Variants in BCAS3 observed in about 807,000 individuals in gnomAD.
BCAS3 encodes the protein BCAS3 microtubule associated cell migration factor, also known as BCAS4/BCAS3 fusion.
In BCAS3, 53 loss-of-function variants were observed where a neutral mutation model predicts 116.1. That is an observed-to-expected ratio of 0.46 (90% CI 0.37 to 0.57). The LOEUF is 0.57. Ranked by LOEUF, BCAS3 falls within the 20% of genes least tolerant of loss-of-function variation. The pLI is 0.00. For synonymous variants in BCAS3, 391 were observed against 408.2 expected (o/e 0.96, Z 0.51); for missense variants, 917 against 1,165.4 (o/e 0.79, Z 3.10).
chr17:60,730,034 C>T (rs1196466007), intron 5 of BCAS3, among the ~76,000 whole-genome samples: 2 of 152,130 alleles, frequency 1.3e-5, no homozygotes, highest in African/African-American at 4.8e-5. Flanking sequence ...ATGGAAGATA[C>T]CATTAAGGCG....
chr17:60,898,818 C>T (rs146978005), intron 10 of BCAS3, among the ~76,000 whole-genome samples: 1 of 151,974 alleles, frequency 6.6e-6, no homozygotes, highest in East Asian at 1.9e-4. Flanking sequence ...TTCCTAGTGG[C>T]GTGTGTTGAT....
chr17:60,780,670 AAGAT>A (rs2045747022), intron 6 of BCAS3, among the ~76,000 whole-genome samples: 2 of 152,160 alleles, frequency 1.3e-5, no homozygotes, highest in South Asian at 2.1e-4. Context: ...ATTGGTGTAA[AAGAT>A]AGACCTCTTG....
chr17:61,174,187 T>G (rs557976251), intron 22 of BCAS3, among the ~76,000 whole-genome samples: 1 of 152,346 alleles, frequency 6.6e-6, no homozygotes, highest in East Asian at 1.9e-4. Flanking sequence ...TCAGCAATTT[T>G]GAAATGTACA....
intron 7 of BCAS3, among the ~76,000 whole-genome samples, chr17:60,818,261 T>A (rs2144669833): frequency 6.6e-6 from 1 of 152,296 alleles, no homozygotes; most frequent in South Asian, 2.1e-4. Context: ...AATATTTTCC[T>A]CTCATTATTA....
In BCAS3 at chr17:61,333,412, A is replaced by G. The variant is rs1026039540; in HGVS notation, c.2426-34915A>G. 2.0e-5 allele frequency among the ~76,000 whole-genome samples: 3 copies of G among 152,088 alleles called. No homozygotes were observed. The highest frequency in any genetic ancestry group is 2.0e-4 in the Admixed American group (3 of 15,268). ...AAGCCAGGCCTAGGACAAAGTGGAGACGTCCTGTGAGGCAGGCAGGCCTCT... is the reference window on the plus strand; with the variant it reads ...AAGCCAGGCCTAGGACAAAGTGGAGGCGTCCTGTGAGGCAGGCAGGCCTCT... On this transcript the variant is annotated intron_variant, in intron 22 of 23. Coordinates refer to ENST00000407086, the MANE Select transcript of BCAS3 (RefSeq NM_017679.5). The surrounding 1 kb of genome is among the most constrained non-coding windows in gnomAD (Gnocchi z 4.8).
intron 6 of BCAS3, among the ~76,000 whole-genome samples, chr17:60,750,762 T>C (rs2144281045): frequency 6.6e-6 from 1 of 152,338 alleles, no homozygotes; most frequent in African/African-American, 2.4e-5. Flanking sequence ...TGAATTTCTT[T>C]TATTTCCTCA....
At chr17:61,250,777 C>T (rs12946969) in intron 22 of BCAS3, among the ~76,000 whole-genome samples, 20,889 of 152,224 alleles carry the variant, frequency 0.14, 1,651 homozygotes, top group Middle Eastern at 0.18. Flanking sequence ...GGGCGAGTTA[C>T]TGCCCACCTT....
chr17:61,136,258 C>G lies in BCAS3; in HGVS notation c.2425+51694C>G, dbSNP rs928883253. Among the ~76,000 whole-genome samples, 13 of 150,654 alleles carry G rather than the reference C, an allele frequency of 8.6e-5. No individual in the cohort carries two copies. Among genetic ancestry groups the G allele is most frequent in the Non-Finnish European group, 1.9e-4 (13 of 68,010 alleles). Reference sequence around the variant, plus strand: ...CAATATTTTTACTTAAGCATCCCCTCTTCTTCTCTGCACCTGGAGCATCTT... The same window carrying G: ...CAATATTTTTACTTAAGCATCCCCTGTTCTTCTCTGCACCTGGAGCATCTT... On this transcript the variant is annotated intron_variant, in intron 22 of 23. Transcript: ENST00000407086. This position sits in a 1 kb window ranked among gnomAD's most constrained non-coding sequence, Gnocchi z 4.4.
At chr17:61,270,500 C>G (rs558480903) in intron 22 of BCAS3, among the ~76,000 whole-genome samples, 1 of 152,136 alleles carries the variant, frequency 6.6e-6, no homozygotes, top group East Asian at 1.9e-4. Flanking sequence ...GATGCTGCCC[C>G]TCATCAGATA....
At chr17:60,892,484 T>A (rs1293330146) in intron 10 of BCAS3, among the ~76,000 whole-genome samples, 1 of 151,946 alleles carries the variant, frequency 6.6e-6, no homozygotes, top group East Asian at 2.0e-4. Context: ...TAATTTTGTA[T>A]TTTTAGTAGA....
In BCAS3 at chr17:61,003,583, C is replaced by T. The variant is rs1377754536; in HGVS notation, c.1487-12168C>T. Among the ~76,000 whole-genome samples the T allele has an allele frequency of 3.3e-5, 5 of 151,880 alleles. No homozygotes were observed. The South Asian group carries it at 6.2e-4, about 19-fold the overall frequency. ...GCTGGGGATTACAGGTGTGAGCCACCAAGCCCATCTGGAGCAGTGATTTTC... is the reference window on the plus strand; with the variant it reads ...GCTGGGGATTACAGGTGTGAGCCACTAAGCCCATCTGGAGCAGTGATTTTC... On this transcript the variant is annotated intron_variant, in intron 15 of 23. Coordinates refer to ENST00000407086, the MANE Select transcript of BCAS3 (RefSeq NM_017679.5).
In BCAS3 at chr17:61,039,837, G is replaced by T. The variant is rs140757966; in HGVS notation, c.1929-955G>T. On this transcript the variant is annotated intron_variant, in intron 18 of 23. Transcript: ENST00000407086. Reference sequence around the variant, plus strand: ...TCTTGGATTTATGCTTCCTCTATTTGCAATCTCATGCTCACCGAAAATAGA... The same window carrying T: ...TCTTGGATTTATGCTTCCTCTATTTTCAATCTCATGCTCACCGAAAATAGA... 3.7e-4 allele frequency among the ~76,000 whole-genome samples: 57 copies of T among 152,106 alleles called. No homozygotes were observed. The East Asian group carries it at 9.5e-3, about 25-fold the overall frequency.
intron 19 of BCAS3, chr17:61,069,762 CA>C: frequency 1.6e-6 from 1 of 630,346 alleles, no homozygotes; most frequent in African/African-American, 2.0e-5. Flanking sequence ...CGCTTGAACA[CA>C]AGGTGGAGGC....
At chr17:61,102,929 A>G (rs1012451981) in intron 22 of BCAS3, among the ~76,000 whole-genome samples, 2 of 152,082 alleles carry the variant, frequency 1.3e-5, no homozygotes, top group Admixed American at 1.3e-4. Flanking sequence ...ATCATAATGT[A>G]TTATGAGCAT....
At chr17:60,933,744 A>C (rs2059780956) in intron 13 of BCAS3, among the ~76,000 whole-genome samples, 1 of 152,248 alleles carries the variant, frequency 6.6e-6, no homozygotes, top group Admixed American at 6.5e-5. Context: ...GATCTACAGC[A>C]TAACATAGCT....
At chr17:60,937,261 G>C (rs1334222237) in intron 13 of BCAS3, among the ~76,000 whole-genome samples, 1 of 151,514 alleles carries the variant, frequency 6.6e-6, no homozygotes, top group East Asian at 1.9e-4. Flanking sequence ...TTCTCTGAAT[G>C]GTGCGTTTTG....
At chr17:60,823,540 G>A (rs1051982236) in intron 7 of BCAS3, among the ~76,000 whole-genome samples, 8 of 152,182 alleles carry the variant, frequency 5.3e-5, no homozygotes, top group African/African-American at 1.7e-4. Context: ...ATCTAGCCTG[G>A]GTAACAGAGT....
At chr17:60,808,668 T>C (rs1413288724) in intron 7 of BCAS3, among the ~76,000 whole-genome samples, 1 of 152,236 alleles carries the variant, frequency 6.6e-6, no homozygotes, top group East Asian at 1.9e-4. Context: ...GAGAATTTAC[T>C]GTATACTCAG....
At chr17:61,329,445 A>G (rs1389636101) in intron 22 of BCAS3, among the ~76,000 whole-genome samples, 1 of 148,336 alleles carries the variant, frequency 6.7e-6, no homozygotes, top group Non-Finnish European at 1.5e-5. Context: ...AGTTCACGCC[A>G]TTCTCCTGCC....
Sources: allele counts gnomAD v4.1 joint callset (sites outside exome capture counted in the v4.1 genomes callset), GRCh38; gene constraint gnomAD v4.1.1; non-coding constraint Gnocchi (gnomAD v3.1); transcripts MANE v1.5; gene names NCBI Gene and HGNC (gene_info 2026-07-23, HGNC 2026-07-21).